TRIM58: variants seen among roughly 807,000 people sequenced by gnomAD.
TRIM58 encodes E3 ubiquitin-protein ligase TRIM58.
TRIM58 carries 38 observed loss-of-function variants against 34.1 expected under a neutral mutation model. That is an observed-to-expected ratio of 1.12 (90% CI 0.86 to 1.46). TRIM58 has a LOEUF of 1.46. Among genes scored for constraint, TRIM58 ranks in the 40% most tolerant of loss-of-function variants. TRIM58 has a pLI of 0.00. For synonymous variants in TRIM58, 273 were observed against 275.7 expected (o/e 0.99, Z 0.10); for missense variants, 677 against 642.0 (o/e 1.05, Z -0.59).
intron 5 of TRIM58, among the ~76,000 whole-genome samples, chr1:247,875,561 C>T (rs1412282279): frequency 5.9e-5 from 9 of 151,900 alleles, no homozygotes; most frequent in South Asian, 2.1e-4. Context: ...CTCTCTCTCA[C>T]GCACACACAC....
intron 1 of TRIM58, among the ~76,000 whole-genome samples, chr1:247,858,026 T>C (rs888079328): frequency 6.6e-5 from 10 of 152,224 alleles, no homozygotes; most frequent in African/African-American, 2.4e-4. Flanking sequence ...CAATTGTACG[T>C]CTATATCGTA....
chr1:247,871,336 G>A (rs1368858689), intron 5 of TRIM58, among the ~76,000 whole-genome samples: 1 of 152,188 alleles, frequency 6.6e-6, no homozygotes, highest in Non-Finnish European at 1.5e-5. Context: ...TTGAATTAGT[G>A]AGTCAATAAA....
chr1:247,875,791 A>T, intron 5 of TRIM58, 109 bp from the exon 6 acceptor site: 3 of 859,210 alleles, frequency 3.5e-6, no homozygotes, highest in Non-Finnish European at 5.3e-6. Flanking sequence ...TCTAGGAGTT[A>T]ATAGAGAGAG....
At position 247,879,319 on chromosome 1, in the gene TRIM58, T is replaced by C. The variant is rs1659358332; in HGVS notation, c.*2830T>C. 6.6e-6 allele frequency among the ~76,000 whole-genome samples: 1 copy of C among 152,208 alleles called. No individual in the cohort carries two copies. Among genetic ancestry groups the C allele is most frequent in the Non-Finnish European group, 1.5e-5 (1 of 68,036 alleles). Reference sequence around the variant, plus strand: ...CCTTCAGAATATGTCCGGGGTTCAGTTGTCCTGGCCACCCTGCTGCTGTAA... The same window carrying C: ...CCTTCAGAATATGTCCGGGGTTCAGCTGTCCTGGCCACCCTGCTGCTGTAA... On this transcript the variant is annotated 3_prime_UTR_variant, in exon 6 of 6. Coordinates refer to ENST00000366481, the MANE Select transcript of TRIM58 (RefSeq NM_015431.4).
At chr1:247,875,549 C>G (rs1157720607) in intron 5 of TRIM58, among the ~76,000 whole-genome samples, 2 of 152,026 alleles carry the variant, frequency 1.3e-5, no homozygotes, top group Admixed American at 6.6e-5. Flanking sequence ...CTGTCTCTCT[C>G]TCTCTCTCTC....
chr1:247,875,694 T>C (rs1659267288), intron 5 of TRIM58, among the ~76,000 whole-genome samples: 1 of 152,070 alleles, frequency 6.6e-6, no homozygotes. Flanking sequence ...GAGGTAACAG[T>C]GGAATATACC....
At chr1:247,862,893 T>C (rs1256422850) in intron 2 of TRIM58, among the ~76,000 whole-genome samples, 1 of 152,144 alleles carries the variant, frequency 6.6e-6, no homozygotes, top group African/African-American at 2.4e-5. Context: ...GGAAGATGGA[T>C]TGCAGGCAAA....
intron 2 of TRIM58, among the ~76,000 whole-genome samples, chr1:247,861,950 C>T (rs1452029673): frequency 6.6e-6 from 1 of 151,442 alleles, no homozygotes; most frequent in Non-Finnish European, 1.5e-5. Flanking sequence ...ACGGAGAAAC[C>T]CCGTCTCTAC....
In TRIM58 at chr1:247,876,178, C is replaced by T; in HGVS notation, c.1150C>T (p.Leu384=). 2 of 1,614,222 alleles carry T rather than the reference C, an allele frequency of 1.2e-6. No individual in the cohort carries two copies. Among genetic ancestry groups the T allele is most frequent in the Non-Finnish European group, 8.5e-7 (1 of 1,180,044 alleles). Residue 384 remains leucine, a synonymous_variant, in exon 6 of 6, where the codon CTG becomes TTG. Coordinates refer to ENST00000366481, the MANE Select transcript of TRIM58 (RefSeq NM_015431.4). The part of the protein sequence containing the change: ...TPSPENGVWA[L]WLLKGNEYMV... ...ATCTCCTGAGAATGGGGTCTGGGCC[C>T]TGTGGCTGCTGAAAGGGAATGAGTA...
chr1:247,869,327 C>T (rs1045289761), intron 5 of TRIM58, among the ~76,000 whole-genome samples: 3 of 152,136 alleles, frequency 2.0e-5, no homozygotes, highest in African/African-American at 4.8e-5. Flanking sequence ...GGGGGTGAGG[C>T]GTGAAGGACT....
rs1250325477 is a variant in TRIM58 at position 247,878,451 on chromosome 1, A to C, written c.*1962A>C. On this transcript the variant is annotated 3_prime_UTR_variant, in exon 6 of 6. Coordinates refer to ENST00000366481, the MANE Select transcript of TRIM58 (RefSeq NM_015431.4). The stretch of plus-strand genomic sequence containing the variant: ...TAGATTTTTTAATTGTTTGATCATG[A>C]GCGAACACTTCTACTCTCTGTGATA... 6.6e-6 allele frequency among the ~76,000 whole-genome samples: 1 copy of C among 152,134 alleles called. No individual in the cohort carries two copies. The highest frequency in any genetic ancestry group is 1.5e-5 in the Non-Finnish European group (1 of 68,026).
chr1:247,866,792 G>A (rs1288948173), intron 3 of TRIM58, among the ~76,000 whole-genome samples: 2 of 152,072 alleles, frequency 1.3e-5, no homozygotes, highest in African/African-American at 2.4e-5. Flanking sequence ...TTTTAGTAGA[G>A]ATGAGGCTTG....
intron 1 of TRIM58, among the ~76,000 whole-genome samples, chr1:247,857,890 G>A (rs1190747348): frequency 6.6e-6 from 1 of 151,968 alleles, no homozygotes; most frequent in African/African-American, 2.4e-5. Context: ...TACACCGTCC[G>A]CCCCTCCCCC....
intron 5 of TRIM58, 53 bp downstream of exon 5, chr1:247,868,116 C>CCAA: frequency 6.7e-7 from 1 of 1,481,570 alleles, no homozygotes. Context: ...TGAAGAAGTT[C>CCAA]CAAGGTAGTT....
intron 1 of TRIM58, among the ~76,000 whole-genome samples, chr1:247,859,773 T>C (rs1337178213): frequency 6.6e-6 from 1 of 151,864 alleles, no homozygotes; most frequent in Non-Finnish European, 1.5e-5. Context: ...AATACAGTTA[T>C]ATAGAGAAAT....
intron 5 of TRIM58, among the ~76,000 whole-genome samples, chr1:247,870,270 C>G (rs1659080257): frequency 6.6e-6 from 1 of 152,068 alleles, no homozygotes; most frequent in African/African-American, 2.4e-5. Flanking sequence ...GCACCATGCC[C>G]AGAAAAATTA....
intron 1 of TRIM58, among the ~76,000 whole-genome samples, chr1:247,859,190 T>G (rs1170191366): frequency 6.6e-6 from 1 of 152,182 alleles, no homozygotes; most frequent in Non-Finnish European, 1.5e-5. Context: ...CATAGCTCTC[T>G]TGTCTTAACC....
In TRIM58 at chr1:247,860,775, ATTC is replaced by A. The variant is rs1378115063; in HGVS notation, c.516+68_516+70del. ...TGAAGGATCCAGATTCGGGTCAGTAATTCTTCTACCATCTTCCATTCTCCAGCA... is the reference window on the plus strand; with the variant it reads ...TGAAGGATCCAGATTCGGGTCAGTAATTCTACCATCTTCCATTCTCCAGCA... On this transcript the variant is annotated intron_variant, in intron 2 of 5. Coordinates refer to ENST00000366481, the MANE Select transcript of TRIM58 (RefSeq NM_015431.4). The A allele has an allele frequency of 2.4e-5, 30 of 1,254,860 alleles. No homozygotes were observed. The African/African-American group carries it at 4.0e-4, about 17-fold the overall frequency. 77.7% of individuals were successfully genotyped at this position (1,254,860 alleles called of 1,614,324 possible).
At position 247,860,698 on chromosome 1, in the gene TRIM58, A is replaced by G; in HGVS notation, c.502A>G (p.Thr168Ala). Residue 168 changes from threonine to alanine, a missense_variant, in exon 2 of 6, where the codon ACT becomes GCT. Coordinates refer to ENST00000366481, the MANE Select transcript of TRIM58 (RefSeq NM_015431.4). ...TCAGGAGGCCAACGTGGGGAAAAAG[A>G]CTGTCATTTGGAAGGTAAGACCATG... is the stretch of plus-strand genomic sequence containing the variant. ...LTQEANVGKKTVIWKEKVEMQ... is the reference protein window; with the variant it reads ...LTQEANVGKKAVIWKEKVEMQ... 1 of 1,613,502 alleles carries G rather than the reference A, an allele frequency of 6.2e-7. No individual in the cohort carries two copies. The highest frequency in any genetic ancestry group is 8.5e-7 in the Non-Finnish European group (1 of 1,179,552).
Sources: gnomAD v4.1 joint callset for allele counts (sites outside exome capture counted in the v4.1 genomes callset) on GRCh38, gnomAD v4.1.1 for gene constraint, MANE v1.5 for transcripts, NCBI Gene and HGNC (gene_info 2026-07-23, HGNC 2026-07-21) for gene names.